ADIPOR1: variants seen among roughly 807,000 people sequenced by gnomAD.
The protein encoded by ADIPOR1 is adiponectin receptor protein 1.
In ADIPOR1, 15 loss-of-function variants were observed where a neutral mutation model predicts 37.5. The observed-to-expected ratio is 0.40, with a 90% CI of 0.27 to 0.62. ADIPOR1 has a LOEUF of 0.62. Ranked by LOEUF, ADIPOR1 falls within the 20% of genes least tolerant of loss-of-function variation. The pLI, the probability that ADIPOR1 is intolerant of heterozygous loss-of-function variation, is 0.42. For missense variants in ADIPOR1, 286 were observed against 478.0 expected (o/e 0.60, Z 3.75); for synonymous variants, 173 against 173.2 (o/e 1.00, Z 0.01).
In ADIPOR1 at chr1:202,941,705, T is replaced by C; in HGVS notation, c.1000-4A>G. ...GGAAAATCTGATGAGACTGGAACTGTAGGAATAAAAAGAAAAGAGCCTTTA... is the reference window on the plus strand; with the variant it reads ...GGAAAATCTGATGAGACTGGAACTGCAGGAATAAAAAGAAAAGAGCCTTTA... On this transcript the variant is annotated splice_region_variant and splice_polypyrimidine_tract_variant and intron_variant, in intron 7 of 7. Coordinates refer to ENST00000340990, the MANE Select transcript of ADIPOR1 (RefSeq NM_015999.6). 2 of 1,607,676 alleles carry C rather than the reference T, an allele frequency of 1.2e-6. No individual in the cohort carries two copies. The highest frequency in any genetic ancestry group is 1.7e-6 in the Non-Finnish European group (2 of 1,178,498).
chr1:202,944,953 G>C (rs762481805), intron 5 of ADIPOR1, 30 bp downstream of exon 5: 1 of 1,589,646 alleles, frequency 6.3e-7, no homozygotes, highest in Admixed American at 1.8e-5. Flanking sequence ...ACAGTGCACA[G>C]TATTTTCCTA....
At chr1:202,951,382 C>T (rs772351616) in intron 1 of ADIPOR1, among the ~76,000 whole-genome samples, 3 of 152,124 alleles carry the variant, frequency 2.0e-5, no homozygotes, top group Non-Finnish European at 4.4e-5. Flanking sequence ...GAAAATGTAA[C>T]ACCTAGTTGC....
intron 1 of ADIPOR1, among the ~76,000 whole-genome samples, chr1:202,953,701 T>C (rs1654670389): frequency 8.7e-6 from 1 of 114,862 alleles, no homozygotes. Flanking sequence ...TACAAGACAC[T>C]GTGCAAAATA....
At chr1:202,950,829 A>G (rs763995979) in intron 2 of ADIPOR1, 101 bp downstream of exon 2, 8 of 1,480,418 alleles carry the variant, frequency 5.4e-6, no homozygotes, top group Non-Finnish European at 7.4e-6. Context: ...CCAGGATGCA[A>G]TGTTCCTCCT....
chr1:202,952,813 T>C (rs1319691712), intron 1 of ADIPOR1, among the ~76,000 whole-genome samples: 1 of 152,244 alleles, frequency 6.6e-6, no homozygotes, highest in African/African-American at 2.4e-5. Flanking sequence ...GTATGTATCC[T>C]ATTGGTGCTT....
chr1:202,947,353 C>A (rs2001831), intron 3 of ADIPOR1, among the ~76,000 whole-genome samples: 87,416 of 151,444 alleles, frequency 0.58, 25,433 homozygotes, highest in East Asian at 0.83. Context: ...GAAACCCCGT[C>A]TCTACTAAAA....
At chr1:202,951,954 T>G (rs1654593430) in intron 1 of ADIPOR1, among the ~76,000 whole-genome samples, 3 of 152,120 alleles carry the variant, frequency 2.0e-5, no homozygotes, top group African/African-American at 7.2e-5. Context: ...TAAGCCCTAC[T>G]CAAATGAGTA....
chr1:202,947,015 C>T (rs1461965679), intron 3 of ADIPOR1, among the ~76,000 whole-genome samples: 4 of 152,056 alleles, frequency 2.6e-5, no homozygotes, highest in Non-Finnish European at 5.9e-5. Context: ...ACTCAGGAGG[C>T]TGAGGCAGGA....
intron 1 of ADIPOR1, among the ~76,000 whole-genome samples, chr1:202,957,928 G>A (rs977319725): frequency 3.3e-5 from 5 of 152,218 alleles, no homozygotes; most frequent in Admixed American, 6.5e-5. Context: ...GGGAGTCGGG[G>A]GACAGCCGGG....
At position 202,941,400 on chromosome 1, in the gene ADIPOR1, G is replaced by A; in HGVS notation, c.*173C>T. The stretch of plus-strand genomic sequence containing the variant: ...CATCCCCAGCTAGGAGAATGGAAAT[G>A]GAAAGTTTATTGCCCAGTGGGTGTG... On this transcript the variant is annotated 3_prime_UTR_variant, in exon 8 of 8. Coordinates refer to ENST00000340990, the MANE Select transcript of ADIPOR1 (RefSeq NM_015999.6). The A allele has an allele frequency of 1.4e-6, 1 of 699,262 alleles. No homozygotes were observed. Among genetic ancestry groups the A allele is most frequent in the Non-Finnish European group, 2.1e-6 (1 of 469,214 alleles). 43.3% of individuals were successfully genotyped at this position (699,262 alleles called of 1,614,324 possible).
intron 2 of ADIPOR1, among the ~76,000 whole-genome samples, chr1:202,949,542 C>T (rs1490110888): frequency 6.9e-6 from 1 of 144,368 alleles, no homozygotes; most frequent in Non-Finnish European, 1.5e-5. Flanking sequence ...GAACGTGCCA[C>T]TGCACTCCAG....
intron 1 of ADIPOR1, among the ~76,000 whole-genome samples, chr1:202,956,943 C>T (rs530553908): frequency 6.6e-6 from 1 of 152,192 alleles, no homozygotes; most frequent in Admixed American, 6.5e-5. Flanking sequence ...AGTTTCTACT[C>T]TACAATTAGG....
At chr1:202,945,774 A>G (rs2102484719) in intron 4 of ADIPOR1, among the ~76,000 whole-genome samples, 1 of 152,264 alleles carries the variant, frequency 6.6e-6, no homozygotes, top group South Asian at 2.1e-4. Flanking sequence ...AAAATCAAAT[A>G]CTGTATATGT....
chr1:202,947,925 A>C (rs760582737), intron 3 of ADIPOR1, among the ~76,000 whole-genome samples: 3 of 152,222 alleles, frequency 2.0e-5, no homozygotes, highest in Non-Finnish European at 4.4e-5. Context: ...CAGGTATCTC[A>C]AAATACTGTT....
chr1:202,950,812 G>C (rs752030492), intron 2 of ADIPOR1, 118 bp downstream of exon 2: 40 of 1,363,648 alleles, frequency 2.9e-5, no homozygotes, highest in African/African-American at 2.9e-5. Flanking sequence ...CTTGGATAGA[G>C]ACATTTCCAG....
Position 202,945,131 on chromosome 1 carries a change from G to C in ADIPOR1, c.469C>G (p.Leu157Val). The change falls in exon 5 of 8, where the codon CTC becomes GTC. Residue 157 changes from leucine (L) to valine (V), a missense_variant. Physicochemically the swap from Leu to Val is conservative, Grantham distance 32. Transcript: ENST00000340990. ...GCCATGAAGTACATATTTGGTCTGA[G>C]CATGGTCAAGATTCCCAAAAAGAGA... Reference protein sequence around the residue: ...LFLFLGILTMLRPNMYFMAPL... With the variant: ...LFLFLGILTMVRPNMYFMAPL... 2 of 1,612,678 alleles carry C rather than the reference G, an allele frequency of 1.2e-6. No homozygotes were observed. The highest frequency in any genetic ancestry group is 1.7e-6 in the Non-Finnish European group (2 of 1,179,582).
chr1:202,955,700 C>T lies in ADIPOR1; in HGVS notation c.-95+2485G>A, dbSNP rs1017424436. Among the ~76,000 whole-genome samples the T allele has an allele frequency of 2.0e-5, 3 of 152,218 alleles. No homozygotes were observed. In the East Asian group the frequency reaches 5.8e-4, roughly 29 times the overall value. On this transcript the variant is annotated intron_variant, in intron 1 of 7. Coordinates refer to ENST00000340990, the MANE Select transcript of ADIPOR1 (RefSeq NM_015999.6). ...GCTTACTGCAGCCTATACTCCTGGA[C>T]TCAAGCAATTCTCCTGCATCAGCCT...
intron 3 of ADIPOR1, among the ~76,000 whole-genome samples, chr1:202,946,811 T>C (rs888426371): frequency 3.3e-4 from 49 of 149,424 alleles, no homozygotes; most frequent in Non-Finnish European, 6.1e-4. Flanking sequence ...ATTTTGACCA[T>C]TAAAAAAAAA....
chr1:202,940,954 C>T lies in ADIPOR1; in HGVS notation c.*619G>A, dbSNP rs1654056566. 2 of 152,370 alleles carry T rather than the reference C, an allele frequency of 1.3e-5. No homozygotes were observed. The highest frequency in any genetic ancestry group is 2.4e-5 in the African/African-American group (1 of 41,364). 9.4% of individuals were successfully genotyped at this position (152,370 alleles called of 1,614,324 possible). ...GTATTAAATATTAAATATCTTTCCC[C>T]ATTTAAATTTTACATTACTCTGCCA... On this transcript the variant is annotated 3_prime_UTR_variant, in exon 8 of 8. Coordinates refer to ENST00000340990, the MANE Select transcript of ADIPOR1 (RefSeq NM_015999.6).
Sources: allele counts gnomAD v4.1 joint callset (sites outside exome capture counted in the v4.1 genomes callset), GRCh38; gene constraint gnomAD v4.1.1; transcripts MANE v1.5; gene names NCBI Gene and HGNC (gene_info 2026-07-23, HGNC 2026-07-21).